NEO1: variants seen among roughly 807,000 people sequenced by gnomAD.
NEO1 encodes the protein neogenin 1.
In NEO1, 63 loss-of-function variants were observed where a neutral mutation model predicts 159.7. The observed-to-expected ratio is 0.39, with a 90% confidence interval of 0.32 to 0.49. NEO1 has a LOEUF of 0.49. NEO1 is among the 20% of genes least tolerant of loss of function. NEO1 has a pLI of 0.85. For synonymous variants in NEO1, 633 were observed against 662.0 expected, an observed-to-expected ratio of 0.96 and a Z score of 0.67; for missense variants, 1,615 against 1,831.0, an observed-to-expected ratio of 0.88 and a Z score of 2.15.
At chr15:73,176,697 C>G in intron 6 of NEO1, 140 bp downstream of exon 6, 1 of 580,614 alleles carries the variant, frequency 1.7e-6, no homozygotes, top group Non-Finnish European at 2.7e-6. Context: ...GAATGTAATA[C>G]CTTCATTGGC....
intron 5 of NEO1, among the ~76,000 whole-genome samples, chr15:73,174,042 G>A (rs1005836241): frequency 2.0e-5 from 3 of 151,094 alleles, no homozygotes; most frequent in African/African-American, 4.9e-5. Context: ...GAAGATTGCA[G>A]TGAGCCGAGA....
intron 7 of NEO1, among the ~76,000 whole-genome samples, chr15:73,207,225 A>G (rs1489388580): frequency 3.3e-5 from 5 of 152,234 alleles, no homozygotes; most frequent in African/African-American, 1.2e-4. Context: ...TCCTTTAACT[A>G]TATTTTAATC....
At chr15:73,283,748 G>A (rs915609188) in intron 23 of NEO1, among the ~76,000 whole-genome samples, 10 of 152,212 alleles carry the variant, frequency 6.6e-5, no homozygotes, top group African/African-American at 9.6e-5. Flanking sequence ...AGCACCATCT[G>A]TACATGCCCA....
intron 1 of NEO1, among the ~76,000 whole-genome samples, chr15:73,097,295 CT>C (rs1392576442): frequency 1.3e-5 from 2 of 149,120 alleles, no homozygotes; most frequent in South Asian, 2.1e-4. Context: ...AAATTTTTAT[CT>C]TTTAATTTCA....
intron 1 of NEO1, among the ~76,000 whole-genome samples, chr15:73,094,302 A>G (rs888174626): frequency 6.6e-6 from 1 of 152,124 alleles, no homozygotes; most frequent in African/African-American, 2.4e-5. Context: ...TTTCATGTAA[A>G]TGAAGTCATA....
At chr15:73,248,899 AT>A (rs1376344068) in intron 9 of NEO1, among the ~76,000 whole-genome samples, 160 bp from the exon 10 acceptor site, 1 of 152,230 alleles carries the variant, frequency 6.6e-6, no homozygotes, top group Non-Finnish European at 1.5e-5. Flanking sequence ...AAAAAGGAAA[AT>A]GTGTTTATAT....
Position 73,134,704 on chromosome 15 carries a change from C to A in NEO1, c.879-1187C>A, listed in dbSNP as rs149003094. On this transcript the variant is annotated intron_variant, in intron 4 of 28. Transcript: ENST00000261908. ...AGCTGGGATTACAGGCATGCACCAC[C>A]ACGCCTGGCTAATTTTTGTATTTTT... Among the ~76,000 whole-genome samples, 922 of 152,154 alleles carry A rather than the reference C, an allele frequency of 6.1e-3. 13 individuals are homozygous for A. The highest frequency in any genetic ancestry group is 0.048 in the East Asian group (248 of 5,150).
At chr15:73,098,024 T>C (rs193204854) in intron 1 of NEO1, among the ~76,000 whole-genome samples, 11 of 152,254 alleles carry the variant, frequency 7.2e-5, no homozygotes, top group Admixed American at 5.2e-4. Flanking sequence ...GTTTTTCTTC[T>C]ACACCAAGAA....
chr15:73,122,789 A>G lies in NEO1; in HGVS notation c.713A>G (p.Lys238Arg), dbSNP rs755535223. The G allele has an allele frequency of 1.5e-5, 25 of 1,613,990 alleles. No homozygotes were observed. Among genetic ancestry groups the G allele is most frequent in the Non-Finnish European group, 1.7e-5 (20 of 1,179,940 alleles). The change falls in exon 3 of 29, where the codon AAG (lysine) becomes AGG (arginine). Residue 238 changes from lysine to arginine, a missense_variant. Around this residue, in one of 3 missense-constraint regions of NEO1, gnomAD observed 1,018 missense variants for 1,115.4 expected, o/e 0.91. Coordinates refer to ENST00000261908, the MANE Select transcript of NEO1 (RefSeq NM_002499.4). ...AAGTATAGTGATGAAGTTGAATTGA[A>G]GGTTCTTCCAGGTATTAACTCATTA... The part of the protein sequence containing the change: ...PPKYSDEVEL[K>R]VLPDPEVISD...
chr15:73,087,556 A>G (rs549856665), intron 1 of NEO1, among the ~76,000 whole-genome samples: 2 of 152,136 alleles, frequency 1.3e-5, no homozygotes, highest in South Asian at 2.1e-4. Context: ...ATTTTCTGGA[A>G]AAGATCATGT....
chr15:73,098,032 G>T (rs2070176661), intron 1 of NEO1, among the ~76,000 whole-genome samples: 2 of 151,882 alleles, frequency 1.3e-5, no homozygotes, highest in South Asian at 4.2e-4. Context: ...TCTACACCAA[G>T]AATATCATGT....
intron 1 of NEO1, among the ~76,000 whole-genome samples, chr15:73,085,312 C>T (rs2069295863): frequency 6.6e-6 from 1 of 152,062 alleles, no homozygotes. Context: ...AAGTTTGTTC[C>T]TTTTCATCAC....
chr15:73,301,412 C>A lies in NEO1; in HGVS notation c.4257C>A (p.Ala1419=). The change falls in exon 28 of 29, where the codon GCC becomes GCA. Residue 1419 remains alanine, a synonymous_variant. Transcript: ENST00000261908. ...CTATGCCAGTGGTTGTTCCCAGTGCCCCTGAAGTGCAGGAGACCACAAGGA... is the reference window on the plus strand; with the variant it reads ...CTATGCCAGTGGTTGTTCCCAGTGCACCTGAAGTGCAGGAGACCACAAGGA... The part of the protein sequence containing the change: ...RPPMPVVVPS[A]PEVQETTRML... The A allele has an allele frequency of 6.2e-7, 1 of 1,614,160 alleles. No homozygotes were observed. Among genetic ancestry groups the A allele is most frequent in the Non-Finnish European group, 8.5e-7 (1 of 1,180,022 alleles).
chr15:73,160,514 T>C (rs2151882516), intron 5 of NEO1, among the ~76,000 whole-genome samples: 1 of 152,218 alleles, frequency 6.6e-6, no homozygotes, highest in South Asian at 2.1e-4. Flanking sequence ...GACTACCATC[T>C]CTCTTCAGGT....
intron 1 of NEO1, among the ~76,000 whole-genome samples, chr15:73,069,959 GTA>G (rs1270396924): frequency 2.0e-5 from 3 of 152,160 alleles, no homozygotes; most frequent in African/African-American, 7.2e-5. Flanking sequence ...ATTGAGTATA[GTA>G]TAAGGAATTG....
chr15:73,087,885 G>C (rs981879951), intron 1 of NEO1, among the ~76,000 whole-genome samples: 2 of 151,932 alleles, frequency 1.3e-5, no homozygotes, highest in Non-Finnish European at 2.9e-5. Flanking sequence ...TTCTAATTTT[G>C]TTGTATGGAT....
rs78465290 is a variant in NEO1 at position 73,133,979 on chromosome 15, C to T, written c.879-1912C>T. On this transcript the variant is annotated intron_variant, in intron 4 of 28. Transcript: ENST00000261908. ...GATATAAATTACTGTATCTCGCTTT[C>T]AAAAATGACAACTAGTGTTTCAAAT... is the stretch of plus-strand genomic sequence containing the variant. Among the ~76,000 whole-genome samples, 745 of 152,226 alleles carry T rather than the reference C, an allele frequency of 4.9e-3. 3 individuals are homozygous for T. The highest frequency in any genetic ancestry group is 6.5e-3 in the Non-Finnish European group (445 of 68,002).
At chr15:73,286,861 A>C (rs1596603648) in intron 23 of NEO1, among the ~76,000 whole-genome samples, 1 of 151,772 alleles carries the variant, frequency 6.6e-6, no homozygotes, top group Admixed American at 6.6e-5. Context: ...TCTTGCCTCT[A>C]CTCCCACTGT....
At chr15:73,064,443 T>C (rs1010892243) in intron 1 of NEO1, among the ~76,000 whole-genome samples, 1 of 152,216 alleles carries the variant, frequency 6.6e-6, no homozygotes, top group Non-Finnish European at 1.5e-5. Context: ...ATATGACTTC[T>C]CTGTACTTTA....
Sources: allele counts gnomAD v4.1 joint callset (sites outside exome capture counted in the v4.1 genomes callset), GRCh38; gene constraint gnomAD v4.1.1; regional missense constraint gnomAD v4.1.1; transcripts MANE v1.5; gene names NCBI Gene and HGNC (gene_info 2026-07-23, HGNC 2026-07-21).